The following AOPEP variants were observed in gnomAD, a reference collection of about 807,000 sequenced individuals.
AOPEP encodes aminopeptidase O (putative).
AOPEP carries 77 observed loss-of-function variants against 98.1 expected under a neutral mutation model. The observed-to-expected ratio is 0.78, with a 90% CI of 0.65 to 0.95. The LOEUF (loss-of-function observed/expected upper bound fraction) is 0.95. AOPEP is among the 40% of genes least tolerant of loss of function. The pLI is 0.00. For missense variants in AOPEP, 1,024 were observed against 1,024.7 expected (o/e 1.00, Z 0.01); for synonymous variants, 346 against 365.3 (o/e 0.95, Z 0.60).
intron 14 of AOPEP, among the ~76,000 whole-genome samples, chr9:95,073,982 C>T (rs551806538): frequency 2.0e-5 from 3 of 152,302 alleles, no homozygotes; most frequent in East Asian, 1.9e-4. Flanking sequence ...TTTGTGGATA[C>T]GTATGCACAC....
chr9:95,041,477 G>GTGTGTGTT (rs1246531402), intron 13 of AOPEP, among the ~76,000 whole-genome samples: 1 of 151,790 alleles, frequency 6.6e-6, no homozygotes, highest in African/African-American at 2.4e-5. Context: ...GTGTGTGTGT[G>GTGTGTGTT]TGTGGAGAGG....
At chr9:95,104,998 G>A in the AOPEP span, among the ~76,000 whole-genome samples, 8 of 152,332 alleles carry the variant, frequency 5.3e-5, no homozygotes, top group East Asian at 9.6e-4. Flanking sequence ...AGGTTGGGCC[G>A]CATTGTTGCA....
At chr9:95,029,479 G>C (rs1181348696) in intron 13 of AOPEP, among the ~76,000 whole-genome samples, 1 of 151,958 alleles carries the variant, frequency 6.6e-6, no homozygotes, top group East Asian at 1.9e-4. Context: ...TTTCTTTTTT[G>C]TGTGCTGCGT....
chr9:94,944,597 C>T (rs758492211), intron 7 of AOPEP, among the ~76,000 whole-genome samples: 1 of 152,162 alleles, frequency 6.6e-6, no homozygotes, highest in Non-Finnish European at 1.5e-5. Flanking sequence ...CAGGGTCTTA[C>T]TCTGTCCCCG....
intron 5 of AOPEP, among the ~76,000 whole-genome samples, chr9:94,823,214 T>G (rs1269474265): frequency 6.6e-6 from 1 of 152,190 alleles, no homozygotes; most frequent in Non-Finnish European, 1.5e-5. Flanking sequence ...CAGTCTGGTC[T>G]TCAACTCCTG....
At chr9:94,790,748 C>T (rs1183728259) in intron 3 of AOPEP, among the ~76,000 whole-genome samples, 1 of 152,014 alleles carries the variant, frequency 6.6e-6, no homozygotes, top group African/African-American at 2.4e-5. Flanking sequence ...AAAATCTAAT[C>T]TCTATTATTG....
At chr9:95,053,981 C>T (rs1452410488) in intron 13 of AOPEP, among the ~76,000 whole-genome samples, 3 of 152,064 alleles carry the variant, frequency 2.0e-5, no homozygotes, top group African/African-American at 7.2e-5. Flanking sequence ...TCCCAGAGTG[C>T]TGGGATTACA....
intron 1 of AOPEP, among the ~76,000 whole-genome samples, chr9:94,759,025 T>C (rs10993337): frequency 0.089 from 13,477 of 152,210 alleles, 710 homozygotes; most frequent in African/African-American, 0.13. Context: ...ATACCTTGAG[T>C]ATTTAACTAT....
intron 7 of AOPEP, among the ~76,000 whole-genome samples, chr9:94,938,356 T>C (rs1257667967): frequency 6.6e-6 from 1 of 152,170 alleles, no homozygotes; most frequent in African/African-American, 2.4e-5. Flanking sequence ...CTTTATATGT[T>C]ATTTGGAGAG....
chr9:95,117,849 G>A, the AOPEP span, among the ~76,000 whole-genome samples: 1 of 151,384 alleles, frequency 6.6e-6, no homozygotes, highest in Non-Finnish European at 1.5e-5. Context: ...TGTCTCCCAA[G>A]TATCTGGGAT....
intron 3 of AOPEP, among the ~76,000 whole-genome samples, chr9:94,785,927 T>C (rs1844333077): frequency 6.6e-6 from 1 of 152,184 alleles, no homozygotes; most frequent in Non-Finnish European, 1.5e-5. Flanking sequence ...AGGCTGTCAT[T>C]CTCCTTTAAA....
chr9:94,768,539 A>C (rs1840149057), intron 2 of AOPEP, among the ~76,000 whole-genome samples: 1 of 152,236 alleles, frequency 6.6e-6, no homozygotes, highest in Admixed American at 6.5e-5. Flanking sequence ...AGTATGTCTC[A>C]TCCTCATTTG....
downstream of AOPEP, among the ~76,000 whole-genome samples, chr9:95,088,507 C>CTT (rs1554825553): frequency 2.0e-5 from 3 of 148,970 alleles, no homozygotes; most frequent in Non-Finnish European, 3.0e-5. Context: ...CTGTACCCGG[C>CTT]CTCTCTCTCT....
At chr9:94,890,664 A>C (rs1015193095) in intron 5 of AOPEP, among the ~76,000 whole-genome samples, 1 of 152,132 alleles carries the variant, frequency 6.6e-6, no homozygotes, top group Admixed American at 6.6e-5. Flanking sequence ...GCATCCCACA[A>C]ACTTTGGTTT....
intron 5 of AOPEP, chr9:94,824,625 G>A (rs533882359): frequency 6.6e-6 from 1 of 152,312 alleles, no homozygotes; most frequent in Non-Finnish European, 1.5e-5. Flanking sequence ...GGTGGAACCA[G>A]GAGCTCATGG....
chr9:94,797,371 C>T (rs542547218), intron 4 of AOPEP, among the ~76,000 whole-genome samples: 12 of 149,898 alleles, frequency 8.0e-5, no homozygotes, highest in Non-Finnish European at 1.6e-4. Context: ...TCGGAGGTTG[C>T]AGTGAGCCGA....
At chr9:94,903,797 G>A (rs1016321955) in intron 5 of AOPEP, among the ~76,000 whole-genome samples, 2 of 147,896 alleles carry the variant, frequency 1.4e-5, no homozygotes, top group African/African-American at 2.5e-5. Flanking sequence ...GGGAGGCTAA[G>A]ACAGGAGAAT....
intron 5 of AOPEP, among the ~76,000 whole-genome samples, chr9:94,877,427 C>CTT (rs11299818): frequency 1.6e-5 from 2 of 124,842 alleles, no homozygotes; most frequent in African/African-American, 5.7e-5. Context: ...TTTTTCTTTT[C>CTT]TTTTTTTTTT....
rs1051047410 is a variant in AOPEP at position 94,991,562 on chromosome 9, T to C, written c.1977+12135T>C. Among the ~76,000 whole-genome samples, 19 of 152,232 alleles carry C rather than the reference T, an allele frequency of 1.2e-4. No individual in the cohort carries two copies. In the East Asian group the frequency reaches 3.7e-3, roughly 29 times the overall value. ...AGACTAAAGCATTTTGTAATTTGGG[T>C]CCCATCTTTGCCTTAGTTTCTACGA... On this transcript the variant is annotated intron_variant, in intron 11 of 16. Coordinates refer to ENST00000375315, the MANE Select transcript of AOPEP (RefSeq NM_001193329.3).
Sources: allele counts gnomAD v4.1 joint callset (sites outside exome capture counted in the v4.1 genomes callset), GRCh38; gene constraint gnomAD v4.1.1; transcripts MANE v1.5; gene names NCBI Gene and HGNC (gene_info 2026-07-23, HGNC 2026-07-21).